Variants in METTL15 observed in about 807,000 individuals in gnomAD.
The protein encoded by METTL15 is 12S rRNA N(4)-cytidine methyltransferase METTL15.
Under a neutral mutation model 38.3 loss-of-function variants are expected in METTL15, and 34 were observed. That is an observed-to-expected ratio of 0.89 (90% confidence interval 0.68 to 1.18). The LOEUF is 1.18. METTL15 is among the 50% of genes most tolerant of loss of function. METTL15 has a pLI of 0.00. For missense variants in METTL15, 438 were observed against 498.4 expected (o/e 0.88, Z 1.15); for synonymous variants, 162 against 170.9 (o/e 0.95, Z 0.41).
At chr11:28,175,317 T>C (rs1313709745) in intron 3 of METTL15, among the ~76,000 whole-genome samples, 1 of 152,204 alleles carries the variant, frequency 6.6e-6, no homozygotes, top group Admixed American at 6.5e-5. Context: ...ATGGTGTATA[T>C]GTGCCACATT....
At chr11:28,350,294 G>A (rs975436606) in intron 3 of METTL15, among the ~76,000 whole-genome samples, 2 of 151,902 alleles carry the variant, frequency 1.3e-5, no homozygotes, top group Non-Finnish European at 2.9e-5. Context: ...ATTTGCAAGA[G>A]GATAATTTTA....
chr11:28,335,004 C>T (rs1849887958), downstream of METTL15, among the ~76,000 whole-genome samples: 2 of 152,212 alleles, frequency 1.3e-5, no homozygotes, highest in South Asian at 4.1e-4. Flanking sequence ...AACAAGTTTT[C>T]TACTATTAGC....
intron 5 of METTL15, among the ~76,000 whole-genome samples, chr11:28,386,629 A>T (rs1850443932): frequency 6.6e-6 from 1 of 152,026 alleles, no homozygotes; most frequent in South Asian, 2.1e-4. Context: ...TAATATTAGG[A>T]TACTCTACTT....
intron 4 of METTL15, among the ~76,000 whole-genome samples, chr11:28,218,162 T>C (rs1188281131): frequency 6.6e-6 from 1 of 152,198 alleles, no homozygotes; most frequent in East Asian, 1.9e-4. Flanking sequence ...GTGGCCATTT[T>C]CACTATATTG....
rs759177232 is a variant in METTL15, at chr11:28,165,874, T to G, written c.271-45188T>G. 3.3e-5 allele frequency among the ~76,000 whole-genome samples: 5 copies of G among 152,304 alleles called. No individual in the cohort carries two copies. In the South Asian group the frequency reaches 8.3e-4, roughly 25 times the overall value. On this transcript the variant is annotated intron_variant, in intron 3 of 6. Coordinates refer to ENST00000407364, the MANE Select transcript of METTL15 (RefSeq NM_001113528.2). ...CCACTTTTATTCTTCTGTATGAAGA[T>G]ATCCAGTTTTTCCAACACCATTTGT...
intron 4 of METTL15, among the ~76,000 whole-genome samples, chr11:28,263,361 A>G (rs1051683954): frequency 6.6e-6 from 1 of 152,126 alleles, no homozygotes; most frequent in Non-Finnish European, 1.5e-5. Context: ...ATAGGCATAG[A>G]TAACATTGAT....
intron 6 of METTL15, among the ~76,000 whole-genome samples, chr11:28,473,592 A>G (rs953191853): frequency 9.9e-5 from 15 of 152,094 alleles, no homozygotes; most frequent in African/African-American, 3.6e-4. Flanking sequence ...AGAGCTCAGA[A>G]AAGTTCACAG....
chr11:28,162,965 G>T (rs1004893729), intron 3 of METTL15, among the ~76,000 whole-genome samples: 1 of 152,072 alleles, frequency 6.6e-6, no homozygotes, highest in Admixed American at 6.6e-5. Flanking sequence ...AGTATTTTGA[G>T]CTTAAGCAAA....
intron 4 of METTL15, among the ~76,000 whole-genome samples, chr11:28,268,374 T>A (rs1322449776): frequency 6.6e-6 from 1 of 151,378 alleles, no homozygotes; most frequent in East Asian, 1.9e-4. Context: ...TGATTAGGAG[T>A]TTTTTCCTGC....
intron 5 of METTL15, among the ~76,000 whole-genome samples, chr11:28,292,127 A>T (rs190021003): frequency 2.0e-5 from 3 of 151,928 alleles, no homozygotes; most frequent in Non-Finnish European, 4.4e-5. Flanking sequence ...TTACATATGT[A>T]TACATGTGCC....
At chr11:28,251,232 A>G (rs1476830117) in intron 4 of METTL15, among the ~76,000 whole-genome samples, 2 of 152,028 alleles carry the variant, frequency 1.3e-5, no homozygotes, top group Admixed American at 6.6e-5. Context: ...TTCTCAAGCA[A>G]AGGAATGAAT....
At chr11:28,242,843 CCTT>C (rs1420965340) in intron 4 of METTL15, among the ~76,000 whole-genome samples, 2 of 152,086 alleles carry the variant, frequency 1.3e-5, no homozygotes, top group East Asian at 3.9e-4. Flanking sequence ...ATCTAGCCAG[CCTT>C]CTTCAAGAGT....
At chr11:28,208,459 A>G (rs922331602) in intron 3 of METTL15, among the ~76,000 whole-genome samples, 2 of 152,118 alleles carry the variant, frequency 1.3e-5, no homozygotes, top group Non-Finnish European at 2.9e-5. Context: ...GTTTGATTGC[A>G]CTGTGGTCCG....
chr11:28,383,093 T>G (rs1218361639), intron 5 of METTL15, among the ~76,000 whole-genome samples: 1 of 152,014 alleles, frequency 6.6e-6, no homozygotes, highest in Non-Finnish European at 1.5e-5. Context: ...ACTCGAAAGG[T>G]AGATTTGATC....
intron 4 of METTL15, chr11:28,287,102 T>G: frequency 6.5e-6 from 1 of 154,832 alleles, no homozygotes; most frequent in Non-Finnish European, 1.4e-5. Context: ...CACGTCTCAC[T>G]ATATATATAA....
chr11:28,241,421 C>G (rs1320648809), intron 4 of METTL15, among the ~76,000 whole-genome samples: 1 of 151,900 alleles, frequency 6.6e-6, no homozygotes, highest in East Asian at 1.9e-4. Flanking sequence ...GTAGCCCCAG[C>G]TACTCGGGAG....
downstream of METTL15, among the ~76,000 whole-genome samples, chr11:28,530,911 T>C (rs976682359): frequency 6.6e-6 from 1 of 152,044 alleles, no homozygotes. Flanking sequence ...AAAATAGATA[T>C]CTGTACTACT....
intron 6 of METTL15, among the ~76,000 whole-genome samples, chr11:28,310,478 G>A (rs1391737294): frequency 6.6e-6 from 1 of 151,926 alleles, no homozygotes; most frequent in Non-Finnish European, 1.5e-5. Context: ...CCTGCAGTTG[G>A]CTTTCTGTGA....
At chr11:28,272,012 A>G (rs1419916931) in intron 4 of METTL15, among the ~76,000 whole-genome samples, 3 of 152,226 alleles carry the variant, frequency 2.0e-5, no homozygotes, top group Non-Finnish European at 4.4e-5. Context: ...TCAAAACCAC[A>G]ATGAGATACC....
Sources: allele counts gnomAD v4.1 joint callset (sites outside exome capture counted in the v4.1 genomes callset), GRCh38; gene constraint gnomAD v4.1.1; transcripts MANE v1.5; gene names NCBI Gene and HGNC (gene_info 2026-07-23, HGNC 2026-07-21).